The following DDAH1 variants were observed in gnomAD, a reference collection of about 807,000 sequenced individuals.
DDAH1 encodes the protein dimethylarginine dimethylaminohydrolase 1.
In DDAH1, 19 loss-of-function variants were observed where a neutral mutation model predicts 28.8. The ratio of observed to expected loss-of-function variants is 0.66; its 90% CI spans 0.46 to 0.97. The LOEUF (loss-of-function observed/expected upper bound fraction) is 0.97, where lower values mean the gene tolerates loss of function less well. Among genes scored for constraint, DDAH1 ranks in the 50% least tolerant of loss-of-function variants. The pLI, the probability that DDAH1 is intolerant of heterozygous loss-of-function variation, is 0.00. For synonymous variants in DDAH1, 153 were observed against 154.4 expected (o/e 0.99, Z 0.07); for missense variants, 326 against 375.9 (o/e 0.87, Z 1.10).
chr1:85,495,820 G>A (rs1473625761), intron 2 of DDAH1: 1 of 152,242 alleles, frequency 6.6e-6, no homozygotes, highest in Admixed American at 6.5e-5. Flanking sequence ...TGGGAACCAA[G>A]GAGACATGCT....
rs372229884 is a variant in DDAH1, at chr1:85,324,704, A to T, written c.741+36T>A. 2.8e-5 allele frequency: 45 copies of T among 1,610,702 alleles called. No homozygotes were observed. In the Middle Eastern group the frequency reaches 4.9e-4, roughly 18 times the overall value. ...TATGAAAAAATCCCCAGGGAGGCTGACCCAGCTGCAGTGGTCAGAAGGGAT... is the reference window on the plus strand; with the variant it reads ...TATGAAAAAATCCCCAGGGAGGCTGTCCCAGCTGCAGTGGTCAGAAGGGAT... On this transcript the variant is annotated intron_variant, in intron 5 of 5. Transcript: ENST00000284031.
chr1:85,551,528 A>T (rs1237444902), intron 1 of DDAH1, among the ~76,000 whole-genome samples: 1 of 152,216 alleles, frequency 6.6e-6, no homozygotes, highest in Non-Finnish European at 1.5e-5. Flanking sequence ...AGTTAAGTGA[A>T]GTTTCAACTT....
At chr1:85,376,091 G>C (rs1186678165) in intron 1 of DDAH1, among the ~76,000 whole-genome samples, 2 of 151,998 alleles carry the variant, frequency 1.3e-5, no homozygotes, top group South Asian at 2.1e-4. Context: ...TTTATTCTGG[G>C]GTTCAAATTG....
At chr1:85,348,507 A>C (rs1649003650) in intron 4 of DDAH1, among the ~76,000 whole-genome samples, 1 of 152,146 alleles carries the variant, frequency 6.6e-6, no homozygotes, top group Admixed American at 6.5e-5. Flanking sequence ...ACCCACTAGA[A>C]ACTCTACGAG....
At chr1:85,388,994 G>A (rs1010201245) in intron 1 of DDAH1, among the ~76,000 whole-genome samples, 5 of 152,090 alleles carry the variant, frequency 3.3e-5, no homozygotes, top group African/African-American at 9.7e-5. Flanking sequence ...TAGTTGATTG[G>A]GAAAGATATT....
chr1:85,571,748 C>T (rs1320595374), intron 1 of DDAH1, among the ~76,000 whole-genome samples: 1 of 140,884 alleles, frequency 7.1e-6, no homozygotes, highest in Non-Finnish European at 1.5e-5. Context: ...GCATACAATA[C>T]ATATTGCCTT....
intron 1 of DDAH1, among the ~76,000 whole-genome samples, chr1:85,498,873 G>A (rs1656694218): frequency 6.6e-6 from 1 of 152,092 alleles, no homozygotes; most frequent in African/African-American, 2.4e-5. Flanking sequence ...AGTGAACAGA[G>A]ATCACGCCAC....
chr1:85,341,671 G>A (rs1395234997), intron 4 of DDAH1, among the ~76,000 whole-genome samples: 5 of 152,040 alleles, frequency 3.3e-5, no homozygotes, highest in Non-Finnish European at 5.9e-5. Context: ...AAAATCAGCC[G>A]GGGAGGTGGC....
intron 1 of DDAH1, among the ~76,000 whole-genome samples, chr1:85,517,941 A>C (rs2100758593): frequency 6.6e-6 from 1 of 152,310 alleles, no homozygotes; most frequent in East Asian, 1.9e-4. Flanking sequence ...GCTGGGTTCC[A>C]GGGCCCTGTT....
chr1:85,325,361 G>GCA (rs1647312697), intron 4 of DDAH1, among the ~76,000 whole-genome samples: 2 of 152,042 alleles, frequency 1.3e-5, no homozygotes, highest in South Asian at 2.1e-4. Context: ...GCGTGCGCGC[G>GCA]CGCGCGCACA....
chr1:85,515,683 T>C (rs1657444114), intron 1 of DDAH1, among the ~76,000 whole-genome samples: 1 of 152,078 alleles, frequency 6.6e-6, no homozygotes, highest in South Asian at 2.1e-4. Flanking sequence ...TGGATGAATT[T>C]AGAAACCTGA....
chr1:85,406,028 GCTAC>G (rs1198862589), intron 1 of DDAH1, among the ~76,000 whole-genome samples: 5 of 152,166 alleles, frequency 3.3e-5, no homozygotes, highest in Admixed American at 2.6e-4. Flanking sequence ...ATGTGCCAGG[GCTAC>G]CTACCATGTT....
At chr1:85,492,757 T>C (rs898942889) in intron 2 of DDAH1, among the ~76,000 whole-genome samples, 1 of 152,160 alleles carries the variant, frequency 6.6e-6, no homozygotes, top group African/African-American at 2.4e-5. Flanking sequence ...CGGAAAGAAA[T>C]GTAAGGCCAA....
chr1:85,454,932 G>A (rs919003302), intron 1 of DDAH1, among the ~76,000 whole-genome samples: 1 of 152,148 alleles, frequency 6.6e-6, no homozygotes, highest in East Asian at 1.9e-4. Context: ...AACAAAAGAC[G>A]AAAGTGAAGA....
chr1:85,567,729 A>G (rs1659342885), intron 1 of DDAH1, among the ~76,000 whole-genome samples: 1 of 152,240 alleles, frequency 6.6e-6, no homozygotes, highest in South Asian at 2.1e-4. Context: ...AAATACATCG[A>G]GCAAAACCTA....
At chr1:85,350,919 T>G (rs1244628491) in intron 3 of DDAH1, among the ~76,000 whole-genome samples, 3 of 151,900 alleles carry the variant, frequency 2.0e-5, no homozygotes, top group Non-Finnish European at 4.4e-5. Flanking sequence ...TAATAATCAA[T>G]AGAGTAAAGG....
At chr1:85,409,629 A>G (rs932519291) in intron 1 of DDAH1, among the ~76,000 whole-genome samples, 1 of 152,060 alleles carries the variant, frequency 6.6e-6, no homozygotes, top group Non-Finnish European at 1.5e-5. Flanking sequence ...CGGCTTCAAC[A>G]TTGCCTCTTT....
At chr1:85,542,402 T>A (rs1400080656) in intron 1 of DDAH1, among the ~76,000 whole-genome samples, 1 of 152,230 alleles carries the variant, frequency 6.6e-6, no homozygotes. Context: ...TCTAAGGAAA[T>A]CAGTATTCTC....
upstream of DDAH1, among the ~76,000 whole-genome samples, chr1:85,469,469 T>A (rs1655541264): frequency 6.6e-6 from 1 of 152,244 alleles, no homozygotes; most frequent in Non-Finnish European, 1.5e-5. Context: ...GAACACGTTA[T>A]CATAGAGTTA....
Sources: allele counts gnomAD v4.1 joint callset (sites outside exome capture counted in the v4.1 genomes callset), GRCh38; gene constraint gnomAD v4.1.1; transcripts MANE v1.5; gene names NCBI Gene and HGNC (gene_info 2026-07-23, HGNC 2026-07-21).